Variants in RBFOX1 observed in about 807,000 individuals in gnomAD.
The protein encoded by RBFOX1 is RNA binding fox-1 homolog 1.
A neutral mutation model predicts 57.7 loss-of-function variants in RBFOX1; 8 were observed. The ratio of observed to expected loss-of-function variants is 0.14; its 90% CI spans 0.08 to 0.25. The LOEUF (loss-of-function observed/expected upper bound fraction) is 0.25. Ranked by LOEUF, RBFOX1 falls within the 10% of genes least tolerant of loss-of-function variation. RBFOX1 has a pLI of 1.00. For missense variants in RBFOX1, 611 were observed against 548.5 expected (o/e 1.11, Z -1.14); for synonymous variants, 326 against 222.4 (o/e 1.47, Z -4.15).
chr16:6,375,479 T>A lies in RBFOX1; in HGVS notation c.-64+58422T>A, dbSNP rs189246861. On this transcript the variant is annotated intron_variant, in intron 2 of 15. Coordinates refer to ENST00000550418, the MANE Select transcript of RBFOX1 (RefSeq NM_018723.4). ...GAAAACTGGTTGTATTTCTCTAACA[T>A]TTTTAGGCAGATGATCGTTTCTGGG... is the stretch of plus-strand genomic sequence containing the variant. 2.5e-3 allele frequency among the ~76,000 whole-genome samples: 382 copies of A among 152,082 alleles called. 2 individuals are homozygous for A. Among genetic ancestry groups the A allele is most frequent in the Admixed American group, 8.2e-3 (125 of 15,274 alleles).
chr16:6,814,678 C>T (rs1381454556), intron 3 of RBFOX1, among the ~76,000 whole-genome samples: 3 of 152,050 alleles, frequency 2.0e-5, no homozygotes, highest in African/African-American at 7.2e-5. Context: ...CCTCCAAGCA[C>T]AGGGAGCAGC....
intron 4 of RBFOX1, among the ~76,000 whole-genome samples, chr16:7,422,415 C>T (rs2098551615): frequency 6.6e-6 from 1 of 152,100 alleles, no homozygotes; most frequent in African/African-American, 2.4e-5. Flanking sequence ...GGGAGGCTGC[C>T]AACATTACCT....
chr16:7,676,551 A>ATG (rs2073334823), intron 13 of RBFOX1, among the ~76,000 whole-genome samples: 1 of 152,050 alleles, frequency 6.6e-6, no homozygotes, highest in Admixed American at 6.5e-5. Flanking sequence ...TTCTTTTGGG[A>ATG]TGTGCTTATG....
chr16:6,902,757 T>A (rs1191107827), intron 3 of RBFOX1, among the ~76,000 whole-genome samples: 3 of 152,044 alleles, frequency 2.0e-5, no homozygotes, highest in Non-Finnish European at 2.9e-5. Context: ...ACACATCAAG[T>A]TTTAAAGGAA....
chr16:6,486,330 T>G (rs528909055), intron 2 of RBFOX1, among the ~76,000 whole-genome samples: 111 of 152,156 alleles, frequency 7.3e-4, no homozygotes, highest in African/African-American at 2.6e-3. Flanking sequence ...TCTTGTTTTC[T>G]GTCTAAATTT....
At chr16:6,388,919 G>A (rs1274128016) in intron 2 of RBFOX1, among the ~76,000 whole-genome samples, 4 of 152,140 alleles carry the variant, frequency 2.6e-5, no homozygotes, top group African/African-American at 4.8e-5. Context: ...CGGTTTCCAG[G>A]GGCTGACAGG....
intron 2 of RBFOX1, among the ~76,000 whole-genome samples, chr16:6,574,457 C>G (rs1451983266): frequency 1.8e-5 from 2 of 112,640 alleles, no homozygotes; most frequent in Non-Finnish European, 3.4e-5. Context: ...GAGACTGAGT[C>G]TTGCTCTGTC....
intron 2 of RBFOX1, among the ~76,000 whole-genome samples, chr16:6,616,424 C>T (rs1283563485): frequency 6.6e-6 from 1 of 151,264 alleles, no homozygotes; most frequent in African/African-American, 2.4e-5. Flanking sequence ...CGCCTGTAAT[C>T]CCAACACTTC....
intron 1 of RBFOX1, among the ~76,000 whole-genome samples, chr16:6,246,802 C>T (rs2097571602): frequency 6.6e-6 from 1 of 152,304 alleles, no homozygotes; most frequent in African/African-American, 2.4e-5. Flanking sequence ...GGCATTGTGG[C>T]TCACGCCTAT....
intron 4 of RBFOX1, among the ~76,000 whole-genome samples, chr16:7,316,001 AT>A (rs1267874873): frequency 6.6e-6 from 1 of 152,210 alleles, no homozygotes; most frequent in Non-Finnish European, 1.5e-5. Flanking sequence ...AGCACTTGGG[AT>A]TTGTGCAAAT....
At chr16:5,524,028 C>G (rs565812507) in intron 2 of RBFOX1, among the ~76,000 whole-genome samples, 1 of 152,316 alleles carries the variant, frequency 6.6e-6, no homozygotes, top group East Asian at 1.9e-4. Context: ...GATAATCCGC[C>G]AGCACCTCAT....
intron 1 of RBFOX1, among the ~76,000 whole-genome samples, chr16:6,042,481 A>G (rs2095448070): frequency 6.6e-6 from 1 of 152,220 alleles, no homozygotes; most frequent in Non-Finnish European, 1.5e-5. Context: ...TCTTTAGGTC[A>G]GCTGCTTAGC....
chr16:7,607,391 T>C, intron 10 of RBFOX1, 53 bp downstream of exon 10: 1 of 1,512,688 alleles, frequency 6.6e-7, no homozygotes, highest in South Asian at 1.2e-5. Flanking sequence ...AAATGTGCTT[T>C]GCCTGCCAAG....
At position 6,888,879 on chromosome 16, in the gene RBFOX1, A is replaced by G. The variant is rs905872311; in HGVS notation, c.-15-163178A>G. 2.6e-5 allele frequency among the ~76,000 whole-genome samples: 4 copies of G among 152,222 alleles called. No individual in the cohort carries two copies. The East Asian group carries it at 7.7e-4, about 29-fold the overall frequency. ...CATCCCTCTTTATCCCCTCCTCCCC[A>G]AAAAAGAATTATTTTAGCATCTGAA... On this transcript the variant is annotated intron_variant, in intron 3 of 15. Transcript: ENST00000550418.
chr16:6,952,002 A>C (rs2080867692), intron 3 of RBFOX1, among the ~76,000 whole-genome samples: 1 of 152,202 alleles, frequency 6.6e-6, no homozygotes, highest in African/African-American at 2.4e-5. Context: ...ACCAAAAAGC[A>C]TATTAACAGG....
At chr16:6,054,892 C>T (rs1209035366) in intron 1 of RBFOX1, among the ~76,000 whole-genome samples, 1 of 152,112 alleles carries the variant, frequency 6.6e-6, no homozygotes, top group Non-Finnish European at 1.5e-5. Flanking sequence ...AAGTGATTCT[C>T]CTGCCTCAGC....
intron 2 of RBFOX1, among the ~76,000 whole-genome samples, chr16:6,381,598 C>A (rs992536215): frequency 1.3e-5 from 2 of 152,146 alleles, no homozygotes; most frequent in African/African-American, 4.8e-5. Context: ...CTTGCCTTTA[C>A]CTATTGGATG....
intron 1 of RBFOX1, among the ~76,000 whole-genome samples, chr16:5,271,476 C>T (rs2063006231): frequency 6.6e-6 from 1 of 152,258 alleles, no homozygotes; most frequent in African/African-American, 2.4e-5. Flanking sequence ...GTCTGGGATC[C>T]ACTTTTCACT....
chr16:6,572,946 T>C (rs1177553895), intron 2 of RBFOX1, among the ~76,000 whole-genome samples: 3 of 152,116 alleles, frequency 2.0e-5, no homozygotes, highest in African/African-American at 4.8e-5. Flanking sequence ...GCTGGGAACT[T>C]AGCAGTGAAC....
Sources: gnomAD v4.1 joint callset for allele counts (sites outside exome capture counted in the v4.1 genomes callset) on GRCh38, gnomAD v4.1.1 for gene constraint, MANE v1.5 for transcripts, NCBI Gene and HGNC (gene_info 2026-07-23, HGNC 2026-07-21) for gene names.